TMEM235: variants seen among roughly 807,000 people sequenced by gnomAD.
TMEM235 encodes claudin-27.
A neutral mutation model predicts 22.9 loss-of-function variants in TMEM235; 23 were observed. The ratio of observed to expected loss-of-function variants is 1.00; its 90% CI spans 0.72 to 1.42. The LOEUF is 1.42. TMEM235 is among the 40% of genes most tolerant of loss of function. TMEM235 has a pLI of 0.00. For missense variants in TMEM235, 308 were observed against 299.5 expected, an observed-to-expected ratio of 1.03 and a Z score of -0.21; for synonymous variants, 137 against 140.5, an observed-to-expected ratio of 0.98 and a Z score of 0.17.
intron 2 of TMEM235, among the ~76,000 whole-genome samples, chr17:78,232,662 G>A (rs1158707587): frequency 6.6e-6 from 1 of 151,912 alleles, no homozygotes; most frequent in East Asian, 1.9e-4. Flanking sequence ...TGTGTACAGA[G>A]GCTTCAGAGT....
chr17:78,235,618 T>TTTTGG (rs2076634534), intron 4 of TMEM235, among the ~76,000 whole-genome samples: 1 of 148,964 alleles, frequency 6.7e-6, no homozygotes, highest in Non-Finnish European at 1.5e-5. Flanking sequence ...TTTTTTTTTT[T>TTTTGG]GAGACGGAGT....
intron 4 of TMEM235, among the ~76,000 whole-genome samples, chr17:78,235,757 C>T (rs566926837): frequency 6.6e-6 from 1 of 152,152 alleles, no homozygotes; most frequent in East Asian, 1.9e-4. Context: ...CCTGCCACCA[C>T]GCCCGGCTAA....
intron 4 of TMEM235, among the ~76,000 whole-genome samples, chr17:78,236,074 G>T (rs1306612051): frequency 2.6e-5 from 4 of 152,168 alleles, no homozygotes; most frequent in African/African-American, 9.7e-5. Flanking sequence ...TGCGATTCGG[G>T]CCGGGACACC....
chr17:78,234,074 G>C, intron 3 of TMEM235, 99 bp downstream of exon 2: 3 of 1,116,102 alleles, frequency 2.7e-6, no homozygotes, highest in Non-Finnish European at 2.5e-6. Context: ...TGCTTCCACT[G>C]CCCCTGCGTT....
At chr17:78,231,411 C>A (rs1004111742) in intron 1 of TMEM235, 16 of 1,286,558 alleles carry the variant, frequency 1.2e-5, no homozygotes, top group African/African-American at 3.1e-5. Flanking sequence ...GAATCCAAAA[C>A]AAGGTTTTTT....
At chr17:78,234,621 G>A (rs1335833696) in exon 4 of TMEM235, 3 of 1,536,110 alleles carry the variant, frequency 2.0e-6, no homozygotes, top group South Asian at 2.4e-5. Context: ...TTGTGGTCCT[G>A]CCCCTGAGCC....
chr17:78,236,733 C>A (rs556144677), intron 4 of TMEM235, among the ~76,000 whole-genome samples: 1 of 152,378 alleles, frequency 6.6e-6, no homozygotes, highest in East Asian at 1.9e-4. Flanking sequence ...GCTGTGGCCA[C>A]AAGGAGCAGA....
intron 4 of TMEM235, among the ~76,000 whole-genome samples, chr17:78,236,706 C>T (rs2076648319): frequency 6.6e-6 from 1 of 152,226 alleles, no homozygotes; most frequent in Admixed American, 6.5e-5. Context: ...ATGTCTCAGG[C>T]CAGCTCCACT....
chr17:78,232,188 C>G, exon 2 of TMEM235: 1 of 1,489,790 alleles, frequency 6.7e-7, no homozygotes, highest in African/African-American at 1.4e-5. Context: ...TCTCCTCGCA[C>G]TCGGGGCTCT....
rs2076656706 is a variant in TMEM235, at chr17:78,237,481, T to G, written c.410-1543T>G. 6.6e-6 allele frequency among the ~76,000 whole-genome samples: 1 copy of G among 152,126 alleles called. No homozygotes were observed. Among genetic ancestry groups the G allele is most frequent in the Non-Finnish European group, 1.5e-5 (1 of 67,992 alleles). On this transcript the variant is annotated intron_variant, in intron 4 of 5. Coordinates refer to ENST00000421688, the Ensembl canonical transcript of TMEM235. This position sits in a 1 kb window ranked among gnomAD's most constrained non-coding sequence, Gnocchi z 4.7. ...CCATCACCAGGGATTTGGGAGGTAC[T>G]TCAGGTCCCAGTTTGGGAGCTTACT... is the stretch of plus-strand genomic sequence containing the variant.
exon 6 of TMEM235, chr17:78,240,105 G>C: frequency 2.2e-6 from 3 of 1,365,330 alleles, no homozygotes; most frequent in South Asian, 1.4e-5. Flanking sequence ...TGCTGCTTCC[G>C]GCCCCCGACC....
chr17:78,234,081 C>A (rs570224607), intron 3 of TMEM235, 106 bp downstream of exon 2: 6 of 1,064,934 alleles, frequency 5.6e-6, no homozygotes, highest in Non-Finnish European at 6.8e-6. Context: ...ACTGCCCCTG[C>A]GTTTCCAAGA....
chr17:78,239,228 G>A, exon 5 of TMEM235: 2 of 1,542,960 alleles, frequency 1.3e-6, no homozygotes, highest in South Asian at 2.4e-5. Flanking sequence ...CTCAGCCTGA[G>A]CCCCCCAATC....
chr17:78,236,541 C>T (rs551964277), intron 4 of TMEM235, among the ~76,000 whole-genome samples: 1 of 152,198 alleles, frequency 6.6e-6, no homozygotes, highest in South Asian at 2.1e-4. Context: ...TGGAGAGGGC[C>T]GAGGGCCTGG....
rs1299063921 is a variant in TMEM235 at position 78,239,042 on chromosome 17, G to GTAGAT, written c.428_429insTAGAT (p.Val144ArgfsTer63). On this transcript the variant is annotated frameshift_variant, in exon 5 of 6. Coordinates refer to ENST00000421688, the Ensembl canonical transcript of TMEM235. LOFTEE classifies it high-confidence loss of function. ...CCCCCAGGTGTCCTGACACTGGCGGGGGTCAGCATCTACATCAGCTACTCG... is the reference window on the plus strand; with the variant it reads ...CCCCCAGGTGTCCTGACACTGGCGGGTAGATGGTCAGCATCTACATCAGCTACTCG... 6.5e-7 allele frequency: 1 copy of GTAGAT among 1,541,454 alleles called. No individual in the cohort carries two copies. Among genetic ancestry groups the GTAGAT allele is most frequent in the African/African-American group, 1.4e-5 (1 of 73,012 alleles).
exon 2 of TMEM235, chr17:78,231,927 C>T: frequency 2.0e-6 from 2 of 993,096 alleles, no homozygotes; most frequent in Non-Finnish European, 2.4e-6. Context: ...CCGCCGCGCC[C>T]GCCCGCCCCC....
chr17:78,235,522 G>A (rs1008652162), intron 4 of TMEM235, among the ~76,000 whole-genome samples: 1 of 151,524 alleles, frequency 6.6e-6, no homozygotes, highest in African/African-American at 2.4e-5. Flanking sequence ...CCTGACCTCA[G>A]GTAATCCACC....
rs880190 is a variant in TMEM235 at position 78,238,934 on chromosome 17, G to A, written c.410-90G>A. The A allele has an allele frequency of 0.53, 773,255 of 1,463,762 alleles. 206,749 individuals are homozygous for A. Among genetic ancestry groups the A allele is most frequent in the South Asian group, 0.55 (40,189 of 73,366 alleles). The allele number at this position is 1,463,762 out of a possible 1,614,324, so 90.7% of individuals were successfully genotyped here. On this transcript the variant is annotated intron_variant, in intron 4 of 5. Coordinates refer to ENST00000421688, the Ensembl canonical transcript of TMEM235. The surrounding 1 kb of genome is among the most constrained non-coding windows in gnomAD (Gnocchi z 4.3). ...GCTCTGCCTGAATGCTAGCGGGGCC[G>A]GGGATGCTGAGGCCATGTCTGCAGG...
At chr17:78,231,448 G>A in exon 2 of TMEM235, 1 of 1,300,534 alleles carries the variant, frequency 7.7e-7, no homozygotes, top group Non-Finnish European at 1.0e-6. Context: ...GCCCGGCTGT[G>A]GGGCCCAGCC....
Sources: gnomAD v4.1 joint callset for allele counts (sites outside exome capture counted in the v4.1 genomes callset) on GRCh38, gnomAD v4.1.1 for gene constraint, Gnocchi (gnomAD v3.1) non-coding constraint, MANE v1.5 for transcripts, NCBI Gene and HGNC (gene_info 2026-07-23, HGNC 2026-07-21) for gene names.